LRP1B: variants seen among roughly 807,000 people sequenced by gnomAD.
LRP1B encodes low-density lipoprotein receptor-related protein 1B.
Under a neutral mutation model 556.6 loss-of-function variants are expected in LRP1B, and 217 were observed. That is an observed-to-expected ratio of 0.39 (90% CI 0.35 to 0.44). LRP1B has a LOEUF of 0.44. LRP1B is among the 20% of genes least tolerant of loss of function. LRP1B has a pLI of 1.00. For synonymous variants in LRP1B, 2,047 were observed against 1,865.8 expected, an observed-to-expected ratio of 1.10 and a Z score of -2.50; for missense variants, 5,053 against 5,620.8, an observed-to-expected ratio of 0.90 and a Z score of 3.23.
At chr2:141,819,889 T>TA (rs1340565557) in intron 1 of LRP1B, among the ~76,000 whole-genome samples, 1 of 152,108 alleles carries the variant, frequency 6.6e-6, no homozygotes, top group African/African-American at 2.4e-5. Flanking sequence ...GTCAAAAATA[T>TA]AACAAAGGCT....
At chr2:141,084,470 A>G (rs1011282728) in intron 7 of LRP1B, among the ~76,000 whole-genome samples, 27 of 152,310 alleles carry the variant, frequency 1.8e-4, no homozygotes, top group African/African-American at 6.5e-4. Flanking sequence ...CCATAGAGAA[A>G]TGGCAAACTT....
At chr2:140,600,364 A>T (rs1027471045) in intron 42 of LRP1B, among the ~76,000 whole-genome samples, 1 of 152,170 alleles carries the variant, frequency 6.6e-6, no homozygotes, top group Non-Finnish European at 1.5e-5. Flanking sequence ...TACATTGCTC[A>T]GTCTTAAGAA....
At chr2:141,347,392 G>T (rs1231094195) in intron 3 of LRP1B, among the ~76,000 whole-genome samples, 1 of 151,958 alleles carries the variant, frequency 6.6e-6, no homozygotes, top group Non-Finnish European at 1.5e-5. Context: ...CATCCAGTAG[G>T]TTAAAGAGTT....
chr2:141,029,909 C>A (rs1698318758), intron 11 of LRP1B, among the ~76,000 whole-genome samples: 2 of 152,062 alleles, frequency 1.3e-5, no homozygotes, highest in South Asian at 4.1e-4. Flanking sequence ...GCAGCACATA[C>A]CTCTATCTAC....
intron 2 of LRP1B, among the ~76,000 whole-genome samples, chr2:141,604,954 C>T (rs1687861553): frequency 6.6e-6 from 1 of 152,016 alleles, no homozygotes; most frequent in African/African-American, 2.4e-5. Context: ...GTACACCCAG[C>T]CCAGTTGTGA....
At chr2:141,601,362 A>G (rs1238863865) in intron 2 of LRP1B, among the ~76,000 whole-genome samples, 1 of 152,196 alleles carries the variant, frequency 6.6e-6, no homozygotes, top group East Asian at 1.9e-4. Context: ...TAAGTACCAT[A>G]TCTTGTTGAT....
At chr2:141,862,239 C>T (rs1169945198) in intron 1 of LRP1B, among the ~76,000 whole-genome samples, 1 of 152,096 alleles carries the variant, frequency 6.6e-6, no homozygotes, top group African/African-American at 2.4e-5. Context: ...CACCATATGT[C>T]CCTCTAATTT....
At chr2:140,633,919 G>A (rs1215663964) in intron 41 of LRP1B, among the ~76,000 whole-genome samples, 3 of 152,114 alleles carry the variant, frequency 2.0e-5, no homozygotes, top group African/African-American at 4.8e-5. Context: ...AGAAAATAGT[G>A]AAGAAAATAC....
chr2:141,668,913 A>T (rs920866001), intron 2 of LRP1B, among the ~76,000 whole-genome samples: 2 of 152,084 alleles, frequency 1.3e-5, no homozygotes, highest in Non-Finnish European at 2.9e-5. Flanking sequence ...CATGCTCCCC[A>T]TCTCATAAGG....
At chr2:141,833,955 C>CTAGGGATAGGAGGGAATG (rs549120645) in intron 1 of LRP1B, among the ~76,000 whole-genome samples, 5,417 of 151,696 alleles carry the variant, frequency 0.036, 314 homozygotes, top group African/African-American at 0.12. Flanking sequence ...CAAAACTTAC[C>CTAGGGATAGGAGGGAATG]ACTTGAAGAG....
At chr2:140,673,492 CCACCATGCT>C (rs1685559680) in intron 41 of LRP1B, among the ~76,000 whole-genome samples, 1 of 151,924 alleles carries the variant, frequency 6.6e-6, no homozygotes, top group African/African-American at 2.4e-5. Context: ...ACAGTTTTTT[CCACCATGCT>C]CTTTACTTCT....
chr2:140,998,345 AGTT>A (rs1697314497), intron 15 of LRP1B, among the ~76,000 whole-genome samples: 2 of 152,200 alleles, frequency 1.3e-5, no homozygotes, highest in Non-Finnish European at 1.5e-5. Context: ...GAGTTTTTGA[AGTT>A]GTTGTTAATA....
chr2:140,701,117 T>TCTTCACCAGTCTAATTCTC (rs57655935), intron 40 of LRP1B, among the ~76,000 whole-genome samples: 86,185 of 151,196 alleles, frequency 0.57, 26,170 homozygotes, highest in Middle Eastern at 0.74. Flanking sequence ...ACTTAAAATT[T>TCTTCACCAGTCTAATTCTC]CTTCACCAGT....
chr2:140,840,318 C>T (rs964338661), intron 30 of LRP1B, among the ~76,000 whole-genome samples: 12 of 152,162 alleles, frequency 7.9e-5, no homozygotes, highest in Non-Finnish European at 1.8e-4. Flanking sequence ...TATCTCACTT[C>T]CTTTTTCCTC....
intron 3 of LRP1B, among the ~76,000 whole-genome samples, chr2:141,279,738 T>G (rs920013638): frequency 6.6e-6 from 1 of 152,120 alleles, no homozygotes; most frequent in African/African-American, 2.4e-5. Context: ...AGGCAAGCTC[T>G]GACTTACGAT....
chr2:141,052,105 A>T (rs1041924001), intron 10 of LRP1B, among the ~76,000 whole-genome samples: 3 of 152,146 alleles, frequency 2.0e-5, no homozygotes, highest in Non-Finnish European at 2.9e-5. Flanking sequence ...TACTGAGATA[A>T]GCATAATTTT....
At chr2:140,233,349 A>G (rs773522774) in intron 90 of LRP1B, 23 bp from the exon 91 acceptor site, 3 of 1,529,496 alleles carry the variant, frequency 2.0e-6, no homozygotes, top group East Asian at 2.4e-5. Context: ...AAAAATAAAT[A>G]TAATTTTATT....
intron 1 of LRP1B, among the ~76,000 whole-genome samples, chr2:142,009,373 C>CAT (rs1702886509): frequency 6.6e-6 from 1 of 152,052 alleles, no homozygotes; most frequent in Admixed American, 6.6e-5. Flanking sequence ...ACCCTCTCCT[C>CAT]ATGTTGAAGT....
chr2:140,886,373 G>T, intron 23 of LRP1B, 38 bp from the exon 24 acceptor site: 2 of 1,059,364 alleles, frequency 1.9e-6, no homozygotes, highest in Non-Finnish European at 2.8e-6. Flanking sequence ...TTATGAAAAT[G>T]TAAACTCTGG....
Sources: gnomAD v4.1 joint callset for allele counts (sites outside exome capture counted in the v4.1 genomes callset) on GRCh38, gnomAD v4.1.1 for gene constraint, MANE v1.5 for transcripts, NCBI Gene and HGNC (gene_info 2026-07-23, HGNC 2026-07-21) for gene names.